The following GOLGA8B variants were observed in gnomAD, a reference collection of about 807,000 sequenced individuals.
GOLGA8B encodes golgin subfamily A member 8B.
In GOLGA8B, 1 loss-of-function variant was observed where a neutral mutation model predicts 15.6. That is an observed-to-expected ratio of 0.06 (90% CI 0.02 to 0.30). The LOEUF is 0.30. Ranked by LOEUF, GOLGA8B falls within the 10% of genes least tolerant of loss-of-function variation. The probability of loss-of-function intolerance (pLI) is 1.00; values close to 1 mark genes in which losing one functional copy is unlikely to be tolerated. For synonymous variants in GOLGA8B, 9 were observed against 80.3 expected, an observed-to-expected ratio of 0.11 and a Z score of 4.75; for missense variants, 17 against 201.3, an observed-to-expected ratio of 0.08 and a Z score of 5.54.
intron 1 of GOLGA8B, among the ~76,000 whole-genome samples, chr15:34,563,772 A>T (rs1888684947): frequency 6.8e-6 from 1 of 148,016 alleles, no homozygotes; most frequent in Admixed American, 6.7e-5. Context: ...CTTCAATTCT[A>T]TGTAGAAATA....
intron 1 of GOLGA8B, chr15:34,582,990 T>A (rs62004935): frequency 6.6e-6 from 1 of 151,796 alleles, no homozygotes; most frequent in Non-Finnish European, 1.5e-5. Flanking sequence ...GAAGTTTTTC[T>A]CTCTGGGCCT....
chr15:34,582,390 G>GAAAC (rs1237209831), intron 1 of GOLGA8B, among the ~76,000 whole-genome samples: 1 of 152,334 alleles, frequency 6.6e-6, no homozygotes, highest in East Asian at 1.9e-4. Flanking sequence ...GAAGAAAATA[G>GAAAC]AAACAAACAA....
At chr15:34,559,337 TG>T (rs1217337969) in intron 1 of GOLGA8B, among the ~76,000 whole-genome samples, 1 of 146,630 alleles carries the variant, frequency 6.8e-6, no homozygotes, top group Non-Finnish European at 1.5e-5. Flanking sequence ...TGCATGGTGG[TG>T]AAGACGGCAC....
chr15:34,582,572 T>C (rs1321266310), intron 1 of GOLGA8B, among the ~76,000 whole-genome samples: 3 of 152,204 alleles, frequency 2.0e-5, no homozygotes, highest in Non-Finnish European at 4.4e-5. Flanking sequence ...AGGTCGTATC[T>C]CAAGAGATCT....
chr15:34,576,055 G>C (rs1307888719), intron 1 of GOLGA8B, among the ~76,000 whole-genome samples: 1 of 152,182 alleles, frequency 6.6e-6, no homozygotes, highest in Non-Finnish European at 1.5e-5. Flanking sequence ...TGACGGGACG[G>C]GCAAGGTGAG....
In GOLGA8B at chr15:34,577,507, T is replaced by TACACACAC. The variant is rs71119972; in HGVS notation, c.-1123+6001_-1123+6008dup. ...ACCAAATGAAAAAAATTATATATCA[T>TACACACAC]ACACACACACACACACACACACACA... On this transcript the variant is annotated intron_variant, in intron 1 of 23. Coordinates refer to ENST00000683415, the MANE Select transcript of GOLGA8B (RefSeq NM_001023567.5). Among the ~76,000 whole-genome samples, 10 of 125,222 alleles carry TACACACAC rather than the reference T, an allele frequency of 8.0e-5. No individual in the cohort carries two copies. In the East Asian group the frequency reaches 9.6e-4, roughly 12 times the overall value. The allele number at this position is 125,222 out of a possible 152,430, so 82.2% of individuals were successfully genotyped here.
intron 1 of GOLGA8B, among the ~76,000 whole-genome samples, chr15:34,576,409 A>G (rs1595712040): frequency 6.6e-6 from 1 of 152,230 alleles, no homozygotes; most frequent in African/African-American, 2.4e-5. Flanking sequence ...GAAAGACACA[A>G]TCAGGAGTTC....
In GOLGA8B at chr15:34,564,273, C is replaced by G. The variant is rs1357244982; in HGVS notation, c.-1122-10317G>C. Reference sequence around the variant, plus strand: ...TAAATGTCCAATTTGGAGAGTGAGTCTTTGACTGCCATTTTTCTTCTTCTA... The same window carrying G: ...TAAATGTCCAATTTGGAGAGTGAGTGTTTGACTGCCATTTTTCTTCTTCTA... On this transcript the variant is annotated intron_variant, in intron 1 of 23. Transcript: ENST00000683415. 4.0e-5 allele frequency among the ~76,000 whole-genome samples: 5 copies of G among 124,232 alleles called. No individual in the cohort carries two copies. In the East Asian group the frequency reaches 1.2e-3, roughly 29 times the overall value. The allele number at this position is 124,232 out of a possible 152,430, so 81.5% of individuals were successfully genotyped here. A position where few individuals can be genotyped will look rare whatever the true frequency, so the allele number is the denominator to read the frequency against.
Position 34,578,378 on chromosome 15 carries a change from G to A in GOLGA8B, c.-1123+5138C>T, listed in dbSNP as rs377270711. Among the ~76,000 whole-genome samples, 12 of 152,304 alleles carry A rather than the reference G, an allele frequency of 7.9e-5. No individual in the cohort carries two copies. The East Asian group carries it at 1.9e-3, about 24-fold the overall frequency. On this transcript the variant is annotated intron_variant, in intron 1 of 23. Coordinates refer to ENST00000683415, the MANE Select transcript of GOLGA8B (RefSeq NM_001023567.5). ...ATGCCAGCCATCAGTCTCTCAGCAC[G>A]TGTTGAAAATTAGCCCCTGTACTTG...
chr15:34,579,882 T>C, intron 1 of GOLGA8B, among the ~76,000 whole-genome samples: 1 of 152,198 alleles, frequency 6.6e-6, no homozygotes, highest in Non-Finnish European at 1.5e-5. Context: ...TCTTTTACAT[T>C]TGAGTGATAA....
At position 34,525,433 on chromosome 15, in the gene GOLGA8B, A is replaced by G. The variant is rs1894421639; in HGVS notation, c.*2199T>C. ...AAAATTCATTCTAAGAAAACTTGGC[A>G]AACAAAGCTTTGGACTGGAATTGGC... On this transcript the variant is annotated 3_prime_UTR_variant, in exon 24 of 24. Transcript: ENST00000683415. The G allele has an allele frequency of 6.7e-6, 1 of 150,084 alleles. No individual in the cohort carries two copies. Among genetic ancestry groups the G allele is most frequent in the Non-Finnish European group, 1.5e-5 (1 of 67,310 alleles). 9.3% of individuals were successfully genotyped at this position (150,084 alleles called of 1,614,324 possible).
chr15:34,564,334 G>T (rs2140345672), intron 1 of GOLGA8B, among the ~76,000 whole-genome samples: 5 of 112,490 alleles, frequency 4.4e-5, no homozygotes, highest in East Asian at 2.9e-4. Context: ...TTTTCAGTTA[G>T]TTGTAGTAAC....
chr15:34,571,180 GC>G, intron 1 of GOLGA8B, among the ~76,000 whole-genome samples: 2 of 152,162 alleles, frequency 1.3e-5, no homozygotes, highest in Admixed American at 1.3e-4. Flanking sequence ...ACAAAAATTA[GC>G]CAGGCGTGGT....
intron 1 of GOLGA8B, among the ~76,000 whole-genome samples, chr15:34,572,577 T>C (rs1442716822): frequency 6.6e-6 from 1 of 152,190 alleles, no homozygotes; most frequent in Admixed American, 6.5e-5. Context: ...AAAATATGTA[T>C]GTATTTAAAA....
chr15:34,579,112 A>G (rs1889161769), intron 1 of GOLGA8B, among the ~76,000 whole-genome samples: 1 of 152,000 alleles, frequency 6.6e-6, no homozygotes, highest in African/African-American at 2.4e-5. Context: ...AGATGCTGAG[A>G]AAGACTCTCA....
At chr15:34,582,805 T>C (rs1292708680) in intron 1 of GOLGA8B, 1 of 151,896 alleles carries the variant, frequency 6.6e-6, no homozygotes, top group Non-Finnish European at 1.5e-5. Context: ...GCCTCGATGT[T>C]CTCCTTCACC....
Position 34,525,999 on chromosome 15 carries a change from T to C in GOLGA8B, c.*1633A>G, listed in dbSNP as rs1227844381. 1.3e-5 allele frequency: 2 copies of C among 149,392 alleles called. No individual in the cohort carries two copies. Among genetic ancestry groups the C allele is most frequent in the Non-Finnish European group, 3.0e-5 (2 of 67,158 alleles). 9.3% of individuals were successfully genotyped at this position (149,392 alleles called of 1,614,324 possible). On this transcript the variant is annotated 3_prime_UTR_variant, in exon 24 of 24. Transcript: ENST00000683415. ...TTAGAACTTCATGAAGTTTTAACTG[T>C]TGATTCTTTCCCAAGCATCATCAAG...
At chr15:34,570,368 G>A (rs2140350613) in intron 1 of GOLGA8B, among the ~76,000 whole-genome samples, 1 of 141,526 alleles carries the variant, frequency 7.1e-6, no homozygotes, top group East Asian at 2.0e-4. Flanking sequence ...CACTCCCTAA[G>A]ACCCCTCTCC....
intron 1 of GOLGA8B, among the ~76,000 whole-genome samples, chr15:34,576,785 G>A (rs1889094410): frequency 6.6e-6 from 1 of 152,196 alleles, no homozygotes; most frequent in Non-Finnish European, 1.5e-5. Flanking sequence ...TCACTCAGCT[G>A]ACAGCTTTCA....
Sources: allele counts gnomAD v4.1 joint callset (sites outside exome capture counted in the v4.1 genomes callset), GRCh38; gene constraint gnomAD v4.1.1; transcripts MANE v1.5; gene names NCBI Gene and HGNC (gene_info 2026-07-23, HGNC 2026-07-21).